The following COX15 variants were observed in gnomAD, a reference collection of about 807,000 sequenced individuals.
COX15 encodes the protein heme A synthase COX15.
In COX15, 51 loss-of-function variants were observed where a neutral mutation model predicts 51.9. The ratio of observed to expected loss-of-function variants is 0.98; its 90% CI spans 0.78 to 1.24. The LOEUF is 1.24. COX15 is among the 50% of genes most tolerant of loss of function. The pLI is 0.00. For synonymous variants in COX15, 188 were observed against 190.5 expected, an observed-to-expected ratio of 0.99 and a Z score of 0.11; for missense variants, 420 against 501.1, an observed-to-expected ratio of 0.84 and a Z score of 1.55.
At chr10:99,710,168 A>G (rs2036337095), downstream of COX15, 1 of 985,254 alleles carries the variant, frequency 1.0e-6, no homozygotes, top group Non-Finnish European at 1.2e-6. Flanking sequence ...CAGCCCTGGT[A>G]CTTTCCTAAG....
rs1487355609 is a variant in COX15 at position 99,712,420 on chromosome 10, T to C, written c.*2167A>G. ...GAGAGCTTTCACAGAAAAATCTAGA[T>C]ATGTGGCTTATTTTTAAAAAACAGA... On this transcript the variant is annotated 3_prime_UTR_variant, in exon 9 of 9. Transcript: ENST00000016171. The C allele has an allele frequency of 1.8e-4, 182 of 985,244 alleles. No homozygotes were observed. Among genetic ancestry groups the C allele is most frequent in the Non-Finnish European group, 2.1e-4 (178 of 829,890 alleles). 61.0% of individuals were successfully genotyped at this position (985,244 alleles called of 1,614,324 possible).
chr10:99,723,955 C>T lies in COX15; in HGVS notation c.750+1G>A, dbSNP rs2036859860. 2 of 1,613,698 alleles carry T rather than the reference C, an allele frequency of 1.2e-6. No individual in the cohort carries two copies. The highest frequency in any genetic ancestry group is 1.3e-5 in the African/African-American group (1 of 75,028). ...CACAGATATTTGCACACAACTCTTA[C>T]CTTGTGCGGAGGGAGTAGCAGTGAC... is the stretch of plus-strand genomic sequence containing the variant. On this transcript the variant is annotated splice_donor_variant, in intron 5 of 8. Transcript: ENST00000016171. LOFTEE classifies it high-confidence loss of function.
chr10:99,703,576 G>A, the COX15 span, among the ~76,000 whole-genome samples: 1 of 152,216 alleles, frequency 6.6e-6, no homozygotes, highest in Non-Finnish European at 1.5e-5. Context: ...CTGGACTGCT[G>A]AAGAGTGGCT....
chr10:99,705,696 A>T, the COX15 span: 1 of 152,240 alleles, frequency 6.6e-6, no homozygotes. Context: ...CTTATTAATT[A>T]TTTCTGAGAA....
chr10:99,711,794 A>C lies in COX15; in HGVS notation c.*2793T>G. 4.1e-6 allele frequency: 4 copies of C among 985,498 alleles called. No individual in the cohort carries two copies. Among genetic ancestry groups the C allele is most frequent in the Non-Finnish European group, 4.8e-6 (4 of 829,966 alleles). The allele number at this position is 985,498 out of a possible 1,614,324, so 61.0% of individuals were successfully genotyped here. ...GAAAAATTGACAAACTGTTTTGCTA[A>C]GAATCACCTGTGTTAGTCGGCTTGC... On this transcript the variant is annotated 3_prime_UTR_variant, in exon 9 of 9. Transcript: ENST00000016171.
intron 4 of COX15, among the ~76,000 whole-genome samples, chr10:99,724,339 C>T (rs1486371480): frequency 3.3e-5 from 5 of 152,114 alleles, no homozygotes; most frequent in Non-Finnish European, 7.4e-5. Flanking sequence ...CGCATCACCA[C>T]GCCTGGCTAA....
chr10:99,710,166 G>T, downstream of COX15: 2 of 985,376 alleles, frequency 2.0e-6, no homozygotes, highest in Non-Finnish European at 2.4e-6. Flanking sequence ...GGCAGCCCTG[G>T]TACTTTCCTA....
At chr10:99,716,895 T>C (rs187149271) in intron 7 of COX15, among the ~76,000 whole-genome samples, 2 of 152,158 alleles carry the variant, frequency 1.3e-5, no homozygotes, top group East Asian at 3.9e-4. Flanking sequence ...CAGCTGGTGC[T>C]AAAAAAGACC....
At chr10:99,698,394 A>C in the COX15 span, 1 of 766,114 alleles carries the variant, frequency 1.3e-6, no homozygotes. Context: ...TTATGTGATG[A>C]AATTGCACTC....
chr10:99,695,963 C>G, the COX15 span: 2 of 1,612,462 alleles, frequency 1.2e-6, no homozygotes, highest in Admixed American at 1.7e-5. Context: ...TAGGAAGAAG[C>G]TGCCAAGATC....
rs1326121153 is a variant in COX15, at chr10:99,712,877, C to G, written c.*1710G>C. ...CTCTGCAGCATAATGGAAGCTCATT[C>G]CCTCTTCTGCATGAGACGGCTTCAA... On this transcript the variant is annotated 3_prime_UTR_variant, in exon 9 of 9. Coordinates refer to ENST00000016171, the MANE Select transcript of COX15 (RefSeq NM_078470.6). The G allele has an allele frequency of 2.2e-6, 1 of 445,038 alleles. No individual in the cohort carries two copies. The highest frequency in any genetic ancestry group is 2.1e-5 in the African/African-American group (1 of 46,556). The allele number at this position is 445,038 out of a possible 1,614,324, so 27.6% of individuals were successfully genotyped here.
At chr10:99,709,550 ATT>A, downstream of COX15, 1 of 983,500 alleles carries the variant, frequency 1.0e-6, no homozygotes, top group Non-Finnish European at 1.2e-6. Flanking sequence ...TAATATTTTG[ATT>A]AATACTATAG....
At position 99,732,072 on chromosome 10, in the gene COX15, C is replaced by G; in HGVS notation, c.-23G>C. The G allele has an allele frequency of 6.2e-7, 1 of 1,608,170 alleles. No homozygotes were observed. The highest frequency in any genetic ancestry group is 1.3e-5 in the African/African-American group (1 of 74,974). On this transcript the variant is annotated 5_prime_UTR_variant, in exon 1 of 9. Coordinates refer to ENST00000016171, the MANE Select transcript of COX15 (RefSeq NM_078470.6). ...CATACTGATGACAGGGAACAGCCAC[C>G]TCTTCCACAACCCAGGGCTCTGTGG...
In COX15 at chr10:99,723,992, C is replaced by T. The variant is rs776129540; in HGVS notation, c.714G>A (p.Leu238=). The part of the protein sequence containing the change: ...GSALVLYCAS[L]WTSLSLLLPP... ...GGAGTAGCAGTGACAGTGAGGTCCA[C>T]AAGCTGGCACAATAAAGAACCAGGG... The change falls in exon 5 of 9, where the codon TTG becomes TTA. Residue 238 remains leucine (L), a synonymous_variant. Transcript: ENST00000016171. The T allele has an allele frequency of 1.7e-5, 27 of 1,614,032 alleles. 1 individual carries two copies. In the South Asian group the frequency reaches 2.6e-4, roughly 16 times the overall value.
intron 7 of COX15, 200 bp from the exon 8 acceptor site, chr10:99,716,661 G>A (rs1364147247): frequency 3.8e-6 from 2 of 528,638 alleles, no homozygotes; most frequent in Non-Finnish European, 7.0e-6. Flanking sequence ...CCACTTAAAC[G>A]TCGGTATCAC....
chr10:99,695,169 T>C, the COX15 span, among the ~76,000 whole-genome samples: 311 of 152,204 alleles, frequency 2.0e-3, 2 homozygotes, highest in Non-Finnish European at 3.2e-3. Flanking sequence ...TACAATAAAA[T>C]TGAACTTTCC....
At chr10:99,701,114 A>G in the COX15 span, 1 of 1,343,600 alleles carries the variant, frequency 7.4e-7, no homozygotes, top group Non-Finnish European at 1.1e-6. Context: ...ATGGCAGATT[A>G]TAATGGAGAG....
the COX15 span, chr10:99,701,070 CCCTTT>C: frequency 1.9e-6 from 3 of 1,605,894 alleles, no homozygotes; most frequent in Non-Finnish European, 2.6e-6. Context: ...TAAGTTACTT[CCCTTT>C]CCTCCTTAGA....
rs147724430 is a variant in COX15, at chr10:99,716,423, G to A, written c.1026C>T (p.Phe342=). The change falls in exon 8 of 9, where the codon TTC becomes TTT. Residue 342 remains phenylalanine (F), a synonymous_variant. Coordinates refer to ENST00000016171, the MANE Select transcript of COX15 (RefSeq NM_078470.6). ...TSVTAITVLY[F]LSRRIPLPRR... The stretch of plus-strand genomic sequence containing the variant: ...TAGGAAGGGGAATTCTCCGAGAGAG[G>A]AAGTAGAGCACTGTAATGGCAGTGA... 706 of 1,613,940 alleles carry A rather than the reference G, an allele frequency of 4.4e-4. 3 individuals are homozygous for A. The African/African-American group carries it at 8.2e-3, about 19-fold the overall frequency.
Sources: allele counts gnomAD v4.1 joint callset (sites outside exome capture counted in the v4.1 genomes callset), GRCh38; gene constraint gnomAD v4.1.1; transcripts MANE v1.5; gene names NCBI Gene and HGNC (gene_info 2026-07-23, HGNC 2026-07-21).